TASP1: variants seen among roughly 807,000 people sequenced by gnomAD.
TASP1 encodes the protein threonine aspartase 1.
Under a neutral mutation model 56.6 loss-of-function variants are expected in TASP1, and 16 were observed. The ratio of observed to expected loss-of-function variants is 0.28; its 90% CI spans 0.19 to 0.43. TASP1 has a LOEUF of 0.43. TASP1 is among the 20% of genes least tolerant of loss of function. The probability of loss-of-function intolerance (pLI) is 1.00; values close to 1 mark genes in which losing one functional copy is unlikely to be tolerated. For missense variants in TASP1, 393 were observed against 511.6 expected (o/e 0.77, Z 2.24); for synonymous variants, 179 against 184.2 (o/e 0.97, Z 0.23).
the TASP1 span, among the ~76,000 whole-genome samples, chr20:13,107,109 G>A: frequency 3.3e-5 from 5 of 152,286 alleles, no homozygotes; most frequent in African/African-American, 4.8e-5. Context: ...TAGAGGTCTC[G>A]CTTTGCGTTA....
intron 4 of TASP1, among the ~76,000 whole-genome samples, chr20:13,606,009 T>G (rs114291121): frequency 6.6e-6 from 1 of 152,184 alleles, no homozygotes; most frequent in Non-Finnish European, 1.5e-5. Flanking sequence ...TCTGAGCACA[T>G]CAAGAAAGCC....
At chr20:13,174,253 T>C in the TASP1 span, among the ~76,000 whole-genome samples, 3 of 152,216 alleles carry the variant, frequency 2.0e-5, no homozygotes, top group Non-Finnish European at 2.9e-5. Context: ...TTTATACTTC[T>C]GAAGTTCATG....
At chr20:13,306,606 G>T in the TASP1 span, among the ~76,000 whole-genome samples, 26 of 97,744 alleles carry the variant, frequency 2.7e-4, no homozygotes, top group African/African-American at 8.9e-4. Context: ...ATAAAACAAA[G>T]ACTTCCAGGA....
rs3042647 is a variant in TASP1, at chr20:13,467,186, TACACACAC to T, written c.985+16033_985+16040del. On this transcript the variant is annotated intron_variant, in intron 11 of 13. Transcript: ENST00000337743. Reference sequence around the variant, plus strand: ...GAGATGGAAATTAACACACATACAATACACACACACACACACACACACACACACACGAC... The same window carrying T: ...GAGATGGAAATTAACACACATACAATACACACACACACACACACACACGAC... Among the ~76,000 whole-genome samples, 856 of 146,878 alleles carry T rather than the reference TACACACAC, an allele frequency of 5.8e-3. 6 individuals carry two copies. Among genetic ancestry groups the T allele is most frequent in the African/African-American group, 0.019 (758 of 39,880 alleles).
the TASP1 span, among the ~76,000 whole-genome samples, chr20:13,114,693 T>C: frequency 4.6e-5 from 7 of 152,224 alleles, no homozygotes; most frequent in Non-Finnish European, 7.3e-5. Flanking sequence ...AGAAAACATT[T>C]GTTACTTTAC....
the TASP1 span, chr20:13,221,714 C>A: frequency 6.1e-6 from 8 of 1,317,324 alleles, 1 homozygote; most frequent in Admixed American, 7.2e-5. Context: ...TCCTCCTCCC[C>A]CGGCGTCACC....
the TASP1 span, among the ~76,000 whole-genome samples, chr20:13,217,857 T>G: frequency 1.3e-5 from 2 of 152,236 alleles, no homozygotes; most frequent in Non-Finnish European, 2.9e-5. Context: ...TTATCTCACT[T>G]GCTCAAGGTT....
At chr20:13,238,264 T>A in the TASP1 span, among the ~76,000 whole-genome samples, 13 of 152,194 alleles carry the variant, frequency 8.5e-5, no homozygotes, top group African/African-American at 3.1e-4. Flanking sequence ...TGGGGACTAA[T>A]TTGAATTATA....
chr20:13,292,259 TAGTAATGAATACA>T, the TASP1 span: 9 of 660,650 alleles, frequency 1.4e-5, no homozygotes, highest in Non-Finnish European at 2.4e-5. Context: ...TGCCCGTGAG[TAGTAATGAATACA>T]AAAAAGGCTT....
At chr20:13,591,881 T>C (rs1233155604) in intron 4 of TASP1, among the ~76,000 whole-genome samples, 1 of 152,036 alleles carries the variant, frequency 6.6e-6, no homozygotes, top group African/African-American at 2.4e-5. Context: ...TTAATATAAT[T>C]TGAAAGTAGA....
the TASP1 span, among the ~76,000 whole-genome samples, chr20:13,163,676 CTTAA>C: frequency 6.6e-6 from 1 of 152,074 alleles, no homozygotes; most frequent in Non-Finnish European, 1.5e-5. Context: ...TGGAGGAAAT[CTTAA>C]TTAATGTCAG....
chr20:13,262,503 C>T, the TASP1 span, among the ~76,000 whole-genome samples: 2 of 144,018 alleles, frequency 1.4e-5, no homozygotes, highest in Non-Finnish European at 3.0e-5. Flanking sequence ...CACTCGTGTA[C>T]TCTGCTTCTT....
intron 8 of TASP1, among the ~76,000 whole-genome samples, chr20:13,552,319 G>GA (rs1398381477): frequency 7.9e-5 from 12 of 152,262 alleles, no homozygotes; most frequent in African/African-American, 2.9e-4. Flanking sequence ...ACTGTGCAAA[G>GA]ACAGCAGGTG....
At chr20:13,379,377 T>C in the TASP1 span, among the ~76,000 whole-genome samples, 111 of 152,318 alleles carry the variant, frequency 7.3e-4, no homozygotes, top group African/African-American at 2.5e-3. Flanking sequence ...GAAAATTCTT[T>C]TCTTTAAGAA....
At chr20:13,319,850 G>A in the TASP1 span, among the ~76,000 whole-genome samples, 1 of 152,212 alleles carries the variant, frequency 6.6e-6, no homozygotes, top group African/African-American at 2.4e-5. Context: ...TGTGGCTGGA[G>A]GCTGATTAGA....
At chr20:13,511,732 A>C (rs1321732790) in intron 10 of TASP1, among the ~76,000 whole-genome samples, 5 of 147,320 alleles carry the variant, frequency 3.4e-5, no homozygotes, top group African/African-American at 1.2e-4. Context: ...CATTAGGTAT[A>C]TCTCCTAATG....
chr20:13,462,441 T>C (rs576710115), intron 11 of TASP1, among the ~76,000 whole-genome samples: 1 of 152,320 alleles, frequency 6.6e-6, no homozygotes, highest in African/African-American at 2.4e-5. Flanking sequence ...TAATAAGGCA[T>C]GCACATTGAT....
chr20:13,436,691 C>T (rs2043017647), intron 11 of TASP1, among the ~76,000 whole-genome samples: 1 of 152,064 alleles, frequency 6.6e-6, no homozygotes, highest in Non-Finnish European at 1.5e-5. Context: ...AACCAGCTCC[C>T]AGGATGCAAG....
the TASP1 span, among the ~76,000 whole-genome samples, chr20:13,262,260 T>C: frequency 5.6e-3 from 858 of 152,332 alleles, 4 homozygotes; most frequent in Non-Finnish European, 9.3e-3. Flanking sequence ...TGGTGGCCAC[T>C]GGTGGCCTGG....
Sources: gnomAD v4.1 joint callset for allele counts (sites outside exome capture counted in the v4.1 genomes callset) on GRCh38, gnomAD v4.1.1 for gene constraint, MANE v1.5 for transcripts, NCBI Gene and HGNC (gene_info 2026-07-23, HGNC 2026-07-21) for gene names.